Variants in SPATA17 observed in about 807,000 individuals in gnomAD.
The protein encoded by SPATA17 is spermatogenesis associated 17, also known as spermatogenesis-associated protein 17.
A neutral mutation model predicts 62.2 loss-of-function variants in SPATA17; 53 were observed. That is an observed-to-expected ratio of 0.85 (90% confidence interval 0.68 to 1.07). SPATA17 has a LOEUF of 1.07. Among genes scored for constraint, SPATA17 ranks in the 50% least tolerant of loss-of-function variants. The probability of loss-of-function intolerance (pLI) is 0.00; values close to 1 mark genes in which losing one functional copy is unlikely to be tolerated. For missense variants in SPATA17, 466 were observed against 425.5 expected, an observed-to-expected ratio of 1.10 and a Z score of -0.84; for synonymous variants, 146 against 146.8, an observed-to-expected ratio of 0.99 and a Z score of 0.04.
intron 8 of SPATA17, among the ~76,000 whole-genome samples, chr1:217,787,096 T>G (rs1428435816): frequency 6.6e-6 from 1 of 152,070 alleles, no homozygotes; most frequent in Non-Finnish European, 1.5e-5. Flanking sequence ...CTATGAGTCC[T>G]CAAGTCCTGT....
At chr1:217,651,328 T>C in intron 3 of SPATA17, 150 bp downstream of exon 3, 1 of 576,164 alleles carries the variant, frequency 1.7e-6, no homozygotes, top group Non-Finnish European at 3.0e-6. Context: ...GTATGAGACC[T>C]ATTCTTGAAA....
intron 5 of SPATA17, 105 bp from the exon 6 acceptor site, chr1:217,741,870 G>T (rs1672631617): frequency 5.7e-6 from 7 of 1,222,426 alleles, no homozygotes; most frequent in Non-Finnish European, 8.1e-6. Context: ...GATTTGGATG[G>T]ATATGGATGA....
At chr1:217,803,022 C>T (rs897348237) in intron 9 of SPATA17, among the ~76,000 whole-genome samples, 2 of 152,116 alleles carry the variant, frequency 1.3e-5, no homozygotes, top group Non-Finnish European at 2.9e-5. Context: ...AAGTGATTCT[C>T]CTGCCTCAAC....
intron 9 of SPATA17, among the ~76,000 whole-genome samples, chr1:217,812,503 A>AT (rs1044371481): frequency 1.3e-5 from 2 of 152,096 alleles, no homozygotes; most frequent in Non-Finnish European, 2.9e-5. Context: ...TAATTTACTC[A>AT]TTTTTTTAAT....
chr1:217,820,360 TGTG>T (rs1674829560), intron 9 of SPATA17, among the ~76,000 whole-genome samples: 3 of 152,040 alleles, frequency 2.0e-5, no homozygotes, highest in Non-Finnish European at 4.4e-5. Context: ...GAGACAAGTT[TGTG>T]AGCAGTAGTC....
chr1:217,674,741 C>T (rs1237822909), intron 4 of SPATA17, among the ~76,000 whole-genome samples: 1 of 152,208 alleles, frequency 6.6e-6, no homozygotes, highest in Non-Finnish European at 1.5e-5. Context: ...GGTTCGGTCC[C>T]TTGCCCTGCT....
intron 9 of SPATA17, among the ~76,000 whole-genome samples, chr1:217,809,702 A>G (rs965323765): frequency 2.6e-5 from 4 of 152,094 alleles, no homozygotes; most frequent in African/African-American, 7.2e-5. Context: ...CCATGACCCA[A>G]ACACCTCCCA....
In SPATA17 at chr1:217,778,690, A is replaced by G. The variant is rs936524275; in HGVS notation, c.724-3484A>G. ...TAAATATTTCTGAGCTGGAAACACC[A>G]TGAAGGTCATCTGAACCAAACTACC... On this transcript the variant is annotated intron_variant, in intron 7 of 10. Transcript: ENST00000366933. Among the ~76,000 whole-genome samples, 4 of 152,226 alleles carry G rather than the reference A, an allele frequency of 2.6e-5. No homozygotes were observed. The East Asian group carries it at 7.7e-4, about 29-fold the overall frequency.
At chr1:217,714,650 A>C (rs1420016298) in intron 5 of SPATA17, among the ~76,000 whole-genome samples, 1 of 151,562 alleles carries the variant, frequency 6.6e-6, no homozygotes, top group East Asian at 2.0e-4. Context: ...CGCCCGGCTA[A>C]TTTTTTGTAT....
At chr1:217,689,626 C>T (rs1380786606) in intron 5 of SPATA17, among the ~76,000 whole-genome samples, 5 of 152,158 alleles carry the variant, frequency 3.3e-5, no homozygotes, top group Non-Finnish European at 7.4e-5. Context: ...TCACTCTATC[C>T]TCTAATATTC....
intron 1 of SPATA17, among the ~76,000 whole-genome samples, chr1:217,636,080 C>A (rs1019492771): frequency 9.5e-5 from 13 of 136,138 alleles, no homozygotes; most frequent in African/African-American, 3.7e-4. Context: ...TTGCAGTGAG[C>A]CGAGATCGTG....
At chr1:217,649,735 T>TC (rs1670263650) in intron 2 of SPATA17, among the ~76,000 whole-genome samples, 2 of 64,838 alleles carry the variant, frequency 3.1e-5, no homozygotes, top group Admixed American at 1.3e-4. Flanking sequence ...CTTTCTCACT[T>TC]TTTTTTTTTT....
At chr1:217,668,602 C>T (rs79540918) in intron 3 of SPATA17, among the ~76,000 whole-genome samples, 10 of 152,244 alleles carry the variant, frequency 6.6e-5, no homozygotes, top group African/African-American at 2.4e-4. Context: ...CTGAAGACAG[C>T]ATTTCTTTGA....
chr1:217,632,132 G>A (rs1286132355), intron 1 of SPATA17, among the ~76,000 whole-genome samples: 4 of 151,952 alleles, frequency 2.6e-5, no homozygotes, highest in South Asian at 2.1e-4. Flanking sequence ...GCAGTGACCC[G>A]ACATTGTACC....
intron 5 of SPATA17, among the ~76,000 whole-genome samples, chr1:217,712,125 G>GTT (rs1228367779): frequency 6.7e-5 from 7 of 104,290 alleles, no homozygotes; most frequent in Admixed American, 8.7e-5. Flanking sequence ...TCTACAATAT[G>GTT]TTCTTTTGTT....
intron 5 of SPATA17, among the ~76,000 whole-genome samples, chr1:217,688,358 G>A (rs1220030767): frequency 6.6e-6 from 1 of 152,028 alleles, no homozygotes; most frequent in Non-Finnish European, 1.5e-5. Flanking sequence ...TTAAATATAG[G>A]CTTCTATCAT....
chr1:217,733,681 CATG>C (rs1445768690), intron 5 of SPATA17, among the ~76,000 whole-genome samples: 7 of 152,164 alleles, frequency 4.6e-5, no homozygotes, highest in African/African-American at 1.4e-4. Flanking sequence ...TAATTCTCTA[CATG>C]ATATTAACTC....
At chr1:217,752,092 G>T (rs1672926253) in intron 6 of SPATA17, among the ~76,000 whole-genome samples, 1 of 152,162 alleles carries the variant, frequency 6.6e-6, no homozygotes, top group African/African-American at 2.4e-5. Context: ...AGGCTGGAGT[G>T]CAGTGGCGTG....
chr1:217,800,719 A>G (rs1295452454), intron 8 of SPATA17, among the ~76,000 whole-genome samples: 1 of 152,048 alleles, frequency 6.6e-6, no homozygotes, highest in Non-Finnish European at 1.5e-5. Context: ...CTTAGATTTC[A>G]GTTTTCTTAA....
Sources: allele counts gnomAD v4.1 joint callset (sites outside exome capture counted in the v4.1 genomes callset), GRCh38; gene constraint gnomAD v4.1.1; transcripts MANE v1.5; gene names NCBI Gene and HGNC (gene_info 2026-07-23, HGNC 2026-07-21).